The following AMBRA1 variants were observed in gnomAD, a reference collection of about 807,000 sequenced individuals.
The protein encoded by AMBRA1 is activating molecule in BECN1-regulated autophagy protein 1.
A neutral mutation model predicts 125.4 loss-of-function variants in AMBRA1; 47 were observed. That is an observed-to-expected ratio of 0.37 (90% CI 0.30 to 0.48). The LOEUF (loss-of-function observed/expected upper bound fraction) is 0.48. Ranked by LOEUF, AMBRA1 falls within the 20% of genes least tolerant of loss-of-function variation. AMBRA1 has a pLI of 0.99. For missense variants in AMBRA1, 1,331 were observed against 1,693.4 expected (o/e 0.79, Z 3.76); for synonymous variants, 626 against 655.5 (o/e 0.95, Z 0.69).
intron 11 of AMBRA1, among the ~76,000 whole-genome samples, chr11:46,475,651 A>T (rs72912116): frequency 6.6e-6 from 1 of 152,222 alleles, no homozygotes; most frequent in Non-Finnish European, 1.5e-5. Context: ...TCCCAGTTTG[A>T]TAATTTGTTT....
intron 15 of AMBRA1, among the ~76,000 whole-genome samples, chr11:46,416,904 AG>A: frequency 6.6e-6 from 1 of 152,190 alleles, no homozygotes; most frequent in Non-Finnish European, 1.5e-5. Context: ...GCTGACTCCC[AG>A]CGTCTCTAAT....
At chr11:46,401,629 CT>C (rs1293119642) in intron 17 of AMBRA1, among the ~76,000 whole-genome samples, 1 of 152,240 alleles carries the variant, frequency 6.6e-6, no homozygotes, top group Non-Finnish European at 1.5e-5. Context: ...CCCGGATGGG[CT>C]TTCCCAGGCT....
At chr11:46,475,427 G>A (rs1949777185) in intron 11 of AMBRA1, among the ~76,000 whole-genome samples, 2 of 152,242 alleles carry the variant, frequency 1.3e-5, no homozygotes, top group South Asian at 2.1e-4. Context: ...TGAGGGGGTA[G>A]ACTGGACCTT....
At chr11:46,574,675 C>G (rs1030836585) in intron 1 of AMBRA1, among the ~76,000 whole-genome samples, 14 of 152,134 alleles carry the variant, frequency 9.2e-5, no homozygotes, top group African/African-American at 3.4e-4. Flanking sequence ...GCTGCTCTGG[C>G]TTAAGCAAGG....
chr11:46,466,355 A>C (rs1287385936), intron 11 of AMBRA1, among the ~76,000 whole-genome samples: 1 of 152,166 alleles, frequency 6.6e-6, no homozygotes, highest in Non-Finnish European at 1.5e-5. Context: ...TAAAAAAAAA[A>C]AAAAGGGCAA....
At chr11:46,581,797 CAAAAAAAA>C (rs1162857231) in intron 1 of AMBRA1, among the ~76,000 whole-genome samples, 2,401 of 69,986 alleles carry the variant, frequency 0.034, 95 homozygotes, top group African/African-American at 0.11. Context: ...AAAACTCCAT[CAAAAAAAA>C]AAAAAAAAAA....
chr11:46,434,816 C>T (rs960024628), intron 13 of AMBRA1, 33 bp downstream of exon 13: 1 of 1,546,316 alleles, frequency 6.5e-7, no homozygotes, highest in African/African-American at 1.4e-5. Context: ...ACCAGCGTCC[C>T]TCTGTCATTA....
At chr11:46,404,200 A>G (rs1945893797) in intron 17 of AMBRA1, among the ~76,000 whole-genome samples, 1 of 152,164 alleles carries the variant, frequency 6.6e-6, no homozygotes, top group Non-Finnish European at 1.5e-5. Flanking sequence ...AAAAATAAAA[A>G]CAAAATAAAT....
intron 1 of AMBRA1, among the ~76,000 whole-genome samples, chr11:46,564,162 A>C (rs1222111293): frequency 3.3e-5 from 5 of 151,496 alleles, no homozygotes; most frequent in African/African-American, 9.7e-5. Context: ...AAAAAAAAAA[A>C]AACGTAAGAG....
chr11:46,415,084 T>C (rs1451866626), intron 15 of AMBRA1, among the ~76,000 whole-genome samples: 1 of 152,210 alleles, frequency 6.6e-6, no homozygotes, highest in Non-Finnish European at 1.5e-5. Context: ...TTGGCCCAGC[T>C]GGCTGGCTGG....
At chr11:46,523,449 AGATTCG>A (rs916530013) in intron 7 of AMBRA1, among the ~76,000 whole-genome samples, 3 of 152,204 alleles carry the variant, frequency 2.0e-5, no homozygotes, top group African/African-American at 7.2e-5. Context: ...GTTCCCAAAA[AGATTCG>A]CACATTAACG....
chr11:46,486,265 G>A (rs1323411417), intron 11 of AMBRA1, among the ~76,000 whole-genome samples: 1 of 152,128 alleles, frequency 6.6e-6, no homozygotes, highest in African/African-American at 2.4e-5. Flanking sequence ...AAGATAAAGG[G>A]AGATCAAAGA....
At position 46,397,797 on chromosome 11, in the gene AMBRA1, C is replaced by CGAT. The variant is rs749900257; in HGVS notation, c.3547_3549dup (p.Ile1183dup). The CGAT allele has an allele frequency of 6.2e-7, 1 of 1,609,640 alleles. No individual in the cohort carries two copies. Among genetic ancestry groups the CGAT allele is most frequent in the Non-Finnish European group, 8.5e-7 (1 of 1,179,994 alleles). ...GAGCTGCGGTGAATGCGGTGGCTGA[C>CGAT]GATGATGTTGTTGCCGAAGCCGCCC... On this transcript the variant is annotated inframe_insertion, in exon 18 of 18. Coordinates refer to ENST00000683756, the MANE Select transcript of AMBRA1 (RefSeq NM_001387011.1).
intron 9 of AMBRA1, among the ~76,000 whole-genome samples, chr11:46,501,783 T>C (rs1305969070): frequency 1.3e-5 from 2 of 152,212 alleles, no homozygotes; most frequent in Non-Finnish European, 2.9e-5. Flanking sequence ...AAGAAGTGTT[T>C]TGGGTGTTTT....
intron 11 of AMBRA1, among the ~76,000 whole-genome samples, chr11:46,455,471 C>T (rs1264269240): frequency 1.3e-5 from 2 of 152,106 alleles, no homozygotes; most frequent in African/African-American, 4.8e-5. Context: ...AACTAGGTAG[C>T]GTGCACACAA....
intron 1 of AMBRA1, among the ~76,000 whole-genome samples, chr11:46,593,404 T>C (rs2044677057): frequency 6.6e-6 from 1 of 152,110 alleles, no homozygotes; most frequent in Admixed American, 6.5e-5. Context: ...CCTTGTTCCA[T>C]AAGCCTCCAC....
At chr11:46,536,363 AAAGG>A (rs971934957) in intron 7 of AMBRA1, among the ~76,000 whole-genome samples, 45 of 152,342 alleles carry the variant, frequency 3.0e-4, no homozygotes, top group African/African-American at 1.0e-3. Flanking sequence ...GCAACAAAGA[AAAGG>A]AAGTGATTAC....
chr11:46,406,300 A>C (rs1590717459), intron 17 of AMBRA1, among the ~76,000 whole-genome samples: 2 of 132,752 alleles, frequency 1.5e-5, no homozygotes, highest in Admixed American at 1.6e-4. Flanking sequence ...TGATCTGCCC[A>C]CCTCGGCCTC....
intron 11 of AMBRA1, among the ~76,000 whole-genome samples, chr11:46,478,747 C>T (rs766053672): frequency 5.3e-4 from 79 of 150,470 alleles, no homozygotes; most frequent in Middle Eastern, 3.4e-3. Context: ...CTCCACCTCC[C>T]GGGTTCAAGC....
Sources: allele counts gnomAD v4.1 joint callset (sites outside exome capture counted in the v4.1 genomes callset), GRCh38; gene constraint gnomAD v4.1.1; transcripts MANE v1.5; gene names NCBI Gene and HGNC (gene_info 2026-07-23, HGNC 2026-07-21).